EML6: variants seen among roughly 807,000 people sequenced by gnomAD.
EML6 encodes the protein EMAP like 6, also known as echinoderm microtubule-associated protein-like 6.
In EML6, 154 loss-of-function variants were observed where a neutral mutation model predicts 240.1. The observed-to-expected ratio is 0.64, with a 90% confidence interval of 0.56 to 0.73. The LOEUF is 0.73. Among genes scored for constraint, EML6 ranks in the 30% least tolerant of loss-of-function variants. The pLI, the probability that EML6 is intolerant of heterozygous loss-of-function variation, is 0.00. For synonymous variants in EML6, 1,148 were observed against 899.0 expected, an observed-to-expected ratio of 1.28 and a Z score of -4.95; for missense variants, 2,964 against 2,474.6, an observed-to-expected ratio of 1.20 and a Z score of -4.20.
intron 2 of EML6, among the ~76,000 whole-genome samples, chr2:54,761,773 T>C (rs1174573243): frequency 1.3e-5 from 2 of 152,178 alleles, no homozygotes; most frequent in Admixed American, 6.5e-5. Flanking sequence ...ATAGCAAGAA[T>C]AGTCCACAGA....
In EML6 at chr2:54,879,635, A is replaced by G; in HGVS notation, c.2433A>G (p.Thr811=). 10 of 1,546,490 alleles carry G rather than the reference A, an allele frequency of 6.5e-6. No individual in the cohort carries two copies. Among genetic ancestry groups the G allele is most frequent in the Non-Finnish European group, 8.8e-6 (10 of 1,141,804 alleles). Residue 811 remains threonine (T), a synonymous_variant, in exon 17 of 42, where the codon ACA becomes ACG. Coordinates refer to ENST00000356458, the MANE Select transcript of EML6 (RefSeq NM_001039753.4). ...GGAAAAAGGGAGAAAAGATAGCCACAACAAGGTAAGAAGCTGCCGGGATCT... is the reference window on the plus strand; with the variant it reads ...GGAAAAAGGGAGAAAAGATAGCCACGACAAGGTAAGAAGCTGCCGGGATCT... ...WDWKKGEKIA[T]TRGHKDKIFV... is the part of the protein sequence containing the mutation.
In EML6 at chr2:54,871,574, T is replaced by A; in HGVS notation, c.2313T>A (p.His771Gln). ...LKCLSLLKGQ[H>Q]QRGVCALDFS... Reference sequence around the variant, plus strand: ...GTTTGTCGCTGTTGAAAGGACAACATCAGAGAGGAGTGTGTGCACTTGATT... The same window carrying A: ...GTTTGTCGCTGTTGAAAGGACAACAACAGAGAGGAGTGTGTGCACTTGATT... Residue 771 changes from histidine (H) to glutamine (Q), a missense_variant, in exon 16 of 42, where the codon CAT (histidine) becomes CAA (glutamine). Coordinates refer to ENST00000356458, the MANE Select transcript of EML6 (RefSeq NM_001039753.4). 3 of 1,551,672 alleles carry A rather than the reference T, an allele frequency of 1.9e-6. No individual in the cohort carries two copies. Among genetic ancestry groups the A allele is most frequent in the Non-Finnish European group, 2.6e-6 (3 of 1,146,910 alleles).
chr2:54,897,392 C>T (rs1672827033), intron 21 of EML6, among the ~76,000 whole-genome samples: 1 of 152,188 alleles, frequency 6.6e-6, no homozygotes, highest in Non-Finnish European at 1.5e-5. Flanking sequence ...CTGTGTCAGG[C>T]AATACCGTTG....
Position 54,895,846 on chromosome 2 carries a change from C to T in EML6, c.2982+446C>T, listed in dbSNP as rs193113238. The stretch of plus-strand genomic sequence containing the variant: ...CCAGAGGCTGCCCACAGTTCCTTGC[C>T]ACATAGGGTTTCCCAACATTGCTGC... On this transcript the variant is annotated intron_variant, in intron 21 of 41. Transcript: ENST00000356458. 3.9e-3 allele frequency among the ~76,000 whole-genome samples: 593 copies of T among 152,284 alleles called. 1 individual carries two copies. Among genetic ancestry groups the T allele is most frequent in the Non-Finnish European group, 6.3e-3 (431 of 68,014 alleles).
chr2:54,813,290 T>G lies in EML6; in HGVS notation c.256T>G (p.Tyr86Asp), dbSNP rs998233094. ...AACTGGCCAAGTCGGGAAGGAGCCA[T>G]ATATATGCATATGGGATTCCTATAA... ...VATGQVGKEPYICIWDSYNVQ... is the reference protein window; with the variant it reads ...VATGQVGKEPDICIWDSYNVQ... Residue 86 changes from tyrosine to aspartate, a missense_variant, in exon 3 of 42, where the codon TAT (tyrosine) becomes GAT (aspartate). Tyr to Asp is a radical substitution (Grantham distance 160). Coordinates refer to ENST00000356458, the MANE Select transcript of EML6 (RefSeq NM_001039753.4). 1 of 1,549,896 alleles carries G rather than the reference T, an allele frequency of 6.5e-7. No individual in the cohort carries two copies. Among genetic ancestry groups the G allele is most frequent in the African/African-American group, 1.4e-5 (1 of 73,028 alleles).
At chr2:54,750,484 A>G (rs1684110491) in intron 2 of EML6, among the ~76,000 whole-genome samples, 1 of 152,204 alleles carries the variant, frequency 6.6e-6, no homozygotes, top group Admixed American at 6.5e-5. Context: ...AAGGAAACAA[A>G]GGAATTTAGT....
chr2:54,808,909 C>T (rs1670642738), intron 2 of EML6, among the ~76,000 whole-genome samples: 1 of 152,180 alleles, frequency 6.6e-6, no homozygotes, highest in African/African-American at 2.4e-5. Context: ...TCCTTCTCTG[C>T]AGTGCTTTCT....
chr2:54,886,359 G>A (rs1337446382), intron 17 of EML6, among the ~76,000 whole-genome samples: 1 of 151,824 alleles, frequency 6.6e-6, no homozygotes, highest in Non-Finnish European at 1.5e-5. Context: ...TAGAGATGGG[G>A]TTTCACAATG....
At chr2:54,792,322 T>C (rs1473178171) in intron 2 of EML6, among the ~76,000 whole-genome samples, 1 of 152,252 alleles carries the variant, frequency 6.6e-6, no homozygotes, top group Non-Finnish European at 1.5e-5. Context: ...TGGCAGTTTC[T>C]CTTTTTAGTA....
chr2:54,862,824 G>C (rs1670754523), intron 12 of EML6, among the ~76,000 whole-genome samples: 1 of 152,202 alleles, frequency 6.6e-6, no homozygotes, highest in African/African-American at 2.4e-5. Flanking sequence ...TTTCCCAAAT[G>C]CAAGTTGAAG....
intron 41 of EML6, 117 bp downstream of exon 41, chr2:54,968,885 TAATA>T (rs1676869047): frequency 1.6e-6 from 1 of 608,042 alleles, no homozygotes; most frequent in Non-Finnish European, 3.0e-6. Context: ...GATGTGGGGC[TAATA>T]AACAGGAAAT....
intron 2 of EML6, among the ~76,000 whole-genome samples, chr2:54,796,572 C>T (rs1038852146): frequency 3.3e-5 from 5 of 151,732 alleles, no homozygotes; most frequent in East Asian, 3.9e-4. Context: ...CACTTAAATC[C>T]TTTCATAATG....
At chr2:54,732,180 T>A (rs1683205205) in intron 2 of EML6, among the ~76,000 whole-genome samples, 1 of 152,152 alleles carries the variant, frequency 6.6e-6, no homozygotes, top group Non-Finnish European at 1.5e-5. Flanking sequence ...TTCTAAGAGT[T>A]TTTTTACATA....
chr2:54,808,540 C>CA (rs1363606069), intron 2 of EML6, among the ~76,000 whole-genome samples: 14 of 149,998 alleles, frequency 9.3e-5, no homozygotes, highest in Admixed American at 6.6e-4. Context: ...AAAACAAAAA[C>CA]AAAAAAAACT....
intron 16 of EML6, among the ~76,000 whole-genome samples, chr2:54,872,428 CT>C (rs938104946): frequency 4.6e-5 from 7 of 152,048 alleles, no homozygotes; most frequent in African/African-American, 1.7e-4. Flanking sequence ...CCTGATTGTT[CT>C]CCCCTGTCCC....
At chr2:54,782,178 A>C (rs1471230185) in intron 2 of EML6, among the ~76,000 whole-genome samples, 2 of 152,196 alleles carry the variant, frequency 1.3e-5, no homozygotes, top group Non-Finnish European at 2.9e-5. Context: ...TCACTTCAAA[A>C]GTATCTTTTC....
chr2:54,846,236 C>G (rs1359647631), intron 8 of EML6, among the ~76,000 whole-genome samples: 2 of 152,136 alleles, frequency 1.3e-5, no homozygotes, highest in Non-Finnish European at 2.9e-5. Flanking sequence ...ATATCATTTG[C>G]TCTTCTTCAT....
intron 7 of EML6, among the ~76,000 whole-genome samples, chr2:54,836,483 T>A (rs1188454847): frequency 6.6e-6 from 1 of 152,202 alleles, no homozygotes; most frequent in African/African-American, 2.4e-5. Context: ...AGGGAGCCTT[T>A]GTGAACAGGA....
chr2:54,942,116 A>C (rs1383426553), intron 28 of EML6, among the ~76,000 whole-genome samples: 1 of 152,236 alleles, frequency 6.6e-6, no homozygotes, highest in African/African-American at 2.4e-5. Flanking sequence ...AAGCAAAGCA[A>C]TGACTTCTGT....
Sources: gnomAD v4.1 joint callset for allele counts (sites outside exome capture counted in the v4.1 genomes callset) on GRCh38, gnomAD v4.1.1 for gene constraint, MANE v1.5 for transcripts, NCBI Gene and HGNC (gene_info 2026-07-23, HGNC 2026-07-21) for gene names.